The following EXD1 variants were observed in gnomAD, a reference collection of about 807,000 sequenced individuals.
EXD1 encodes the protein piRNA biogenesis protein EXD1.
In EXD1, 63 loss-of-function variants were observed where a neutral mutation model predicts 49.1. That is an observed-to-expected ratio of 1.28 (90% CI 1.05 to 1.58). The LOEUF (loss-of-function observed/expected upper bound fraction) is 1.58. EXD1 is among the 40% of genes most tolerant of loss of function. EXD1 has a pLI of 0.00. For missense variants in EXD1, 748 were observed against 666.0 expected, an observed-to-expected ratio of 1.12 and a Z score of -1.36; for synonymous variants, 234 against 239.2, an observed-to-expected ratio of 0.98 and a Z score of 0.20.
chr15:41,183,848 A>G lies in EXD1; in HGVS notation c.*83T>C. 3.7e-6 allele frequency: 5 copies of G among 1,367,200 alleles called. No homozygotes were observed. The highest frequency in any genetic ancestry group is 5.0e-6 in the Non-Finnish European group (5 of 1,004,798). 84.7% of individuals were successfully genotyped at this position (1,367,200 alleles called of 1,614,324 possible). ...ACTGAAGCATTACTACATTTACAACATGAGAAACCTGGGCACTGTGGAAAG... is the reference window on the plus strand; with the variant it reads ...ACTGAAGCATTACTACATTTACAACGTGAGAAACCTGGGCACTGTGGAAAG... On this transcript the variant is annotated 3_prime_UTR_variant, in exon 12 of 12. Transcript: ENST00000458580.
chr15:41,229,235 T>C (rs2047201712), intron 1 of EXD1, among the ~76,000 whole-genome samples: 1 of 152,178 alleles, frequency 6.6e-6, no homozygotes, highest in African/African-American at 2.4e-5. Context: ...CCCAACACTT[T>C]GGGAGGCCGA....
chr15:41,183,092 C>T lies in EXD1; in HGVS notation c.*839G>A, dbSNP rs762681831. On this transcript the variant is annotated 3_prime_UTR_variant, in exon 12 of 12. Coordinates refer to ENST00000458580, the MANE Select transcript of EXD1 (RefSeq NM_001286441.2). Reference sequence around the variant, plus strand: ...CACAAGGTCAGTCAGGAGTTCGAGACCAGCCTGGCCAACATGGTGAAACCC... The same window carrying T: ...CACAAGGTCAGTCAGGAGTTCGAGATCAGCCTGGCCAACATGGTGAAACCC... 1 of 152,232 alleles carries T rather than the reference C, an allele frequency of 6.6e-6. No homozygotes were observed. The highest frequency in any genetic ancestry group is 1.5e-5 in the Non-Finnish European group (1 of 68,084). 9.4% of individuals were successfully genotyped at this position (152,232 alleles called of 1,614,324 possible).
intron 11 of EXD1, among the ~76,000 whole-genome samples, chr15:41,189,336 C>T (rs2046467941): frequency 1.3e-5 from 2 of 150,994 alleles, no homozygotes. Context: ...CCACTGCACT[C>T]CAGCCTGAGT....
intron 6 of EXD1, among the ~76,000 whole-genome samples, chr15:41,210,835 A>C (rs560869517): frequency 3.0e-4 from 46 of 152,330 alleles, no homozygotes; most frequent in Admixed American, 2.9e-3. Context: ...TAGTTCAATT[A>C]TTCAATAACA....
In EXD1 at chr15:41,189,478, A is replaced by G. The variant is rs192742177; in HGVS notation, c.1056+459T>C. On this transcript the variant is annotated intron_variant, in intron 11 of 11. Coordinates refer to ENST00000458580, the MANE Select transcript of EXD1 (RefSeq NM_001286441.2). ...GGAGTTTGAGACCAGCCTGGCCAAC[A>G]TGGTGAAACCCCATTTCTACTAAAA... is the stretch of plus-strand genomic sequence containing the variant. Among the ~76,000 whole-genome samples the G allele has an allele frequency of 3.8e-3, 574 of 151,452 alleles. 2 individuals are homozygous for G. The highest frequency in any genetic ancestry group is 0.02 in the South Asian group (95 of 4,780).
In EXD1 at chr15:41,216,660, A is replaced by G. The variant is rs778057196; in HGVS notation, c.388+8T>C. The G allele has an allele frequency of 1.4e-5, 23 of 1,604,112 alleles. No homozygotes were observed. The highest frequency in any genetic ancestry group is 1.2e-4 in the South Asian group (11 of 89,040). On this transcript the variant is annotated splice_region_variant and intron_variant, in intron 5 of 11. Coordinates refer to ENST00000458580, the MANE Select transcript of EXD1 (RefSeq NM_001286441.2). ...AAAAAAAAGAAAATTCAGAGCCCCT[A>G]TATTCACCTGATGGGCTGTACTTGA...
intron 1 of EXD1, among the ~76,000 whole-genome samples, chr15:41,227,895 C>A (rs961164258): frequency 6.6e-6 from 1 of 151,892 alleles, no homozygotes; most frequent in African/African-American, 2.4e-5. Context: ...ACTAAAAACA[C>A]AAAAATTAGC....
At chr15:41,205,458 T>A (rs913708266) in intron 7 of EXD1, among the ~76,000 whole-genome samples, 2 of 152,118 alleles carry the variant, frequency 1.3e-5, no homozygotes, top group Non-Finnish European at 2.9e-5. Flanking sequence ...CTTAAAGATA[T>A]GGAACAGCTT....
chr15:41,184,564 C>T lies in EXD1; in HGVS notation c.1086G>A (p.Leu362=). The change falls in exon 12 of 12, where the codon CTG becomes CTA. Residue 362 remains leucine, a synonymous_variant. Coordinates refer to ENST00000458580, the MANE Select transcript of EXD1 (RefSeq NM_001286441.2). ...EPTCMELPEE[L]LQLKDFQKQR... is the part of the protein sequence containing the mutation. ...GCTTCTGGAAGTCCTTGAGTTGAAG[C>T]AGTTCCTCTGGCAGCTCCATACATG... The T allele has an allele frequency of 6.2e-7, 1 of 1,602,486 alleles. No individual in the cohort carries two copies. Among genetic ancestry groups the T allele is most frequent in the Non-Finnish European group, 8.5e-7 (1 of 1,176,642 alleles).
intron 7 of EXD1, among the ~76,000 whole-genome samples, chr15:41,198,581 C>T (rs996579666): frequency 4.0e-5 from 6 of 151,790 alleles, no homozygotes; most frequent in African/African-American, 9.7e-5. Context: ...CCCAGCTACT[C>T]GGGAGGCTGA....
intron 1 of EXD1, among the ~76,000 whole-genome samples, chr15:41,229,435 G>A (rs1047661447): frequency 2.0e-5 from 3 of 152,010 alleles, no homozygotes; most frequent in Non-Finnish European, 4.4e-5. Flanking sequence ...AAAATGCACA[G>A]TGATCAGGCC....
At chr15:41,185,146 A>T (rs1423777372) in intron 11 of EXD1, among the ~76,000 whole-genome samples, 1 of 152,236 alleles carries the variant, frequency 6.6e-6, no homozygotes, top group East Asian at 1.9e-4. Flanking sequence ...AAGACTATAC[A>T]GGAAAAGTTA....
chr15:41,189,825 T>C, intron 11 of EXD1, 112 bp downstream of exon 11: 1 of 1,032,514 alleles, frequency 9.7e-7, no homozygotes, highest in Non-Finnish European at 1.4e-6. Flanking sequence ...AGAGTATTTA[T>C]CCCCAAGTTG....
Position 41,195,285 on chromosome 15 carries a change from C to T in EXD1, c.720+490G>A, listed in dbSNP as rs60646348. Among the ~76,000 whole-genome samples the T allele has an allele frequency of 5.5e-4, 83 of 152,160 alleles. 1 individual carries two copies. The East Asian group carries it at 0.016, about 29-fold the overall frequency. Reference sequence around the variant, plus strand: ...AGGGCTTTCTCATTTATCTAAGGTCCCCTAGAGGACAGACAAATTATATCA... The same window carrying T: ...AGGGCTTTCTCATTTATCTAAGGTCTCCTAGAGGACAGACAAATTATATCA... On this transcript the variant is annotated intron_variant, in intron 9 of 11. Coordinates refer to ENST00000458580, the MANE Select transcript of EXD1 (RefSeq NM_001286441.2).
In EXD1 at chr15:41,184,351, C is replaced by T. The variant is rs771147025; in HGVS notation, c.1299G>A (p.Gly433=). 3.7e-6 allele frequency: 6 copies of T among 1,614,000 alleles called. No individual in the cohort carries two copies. Among genetic ancestry groups the T allele is most frequent in the Non-Finnish European group, 5.1e-6 (6 of 1,180,018 alleles). ...APSFTSQDFH[G]DVNLLKEESL... ...ATTCTTCTTTCAGTAAATTCACATC[C>T]CCGTGAAAGTCTTGAGATGTAAAAC... Residue 433 remains glycine (G), a synonymous_variant, in exon 12 of 12, where the codon GGG becomes GGA. Transcript: ENST00000458580.
chr15:41,206,285 C>A (rs1021325779), intron 7 of EXD1, among the ~76,000 whole-genome samples: 1 of 151,938 alleles, frequency 6.6e-6, no homozygotes, highest in African/African-American at 2.4e-5. Context: ...GCCTGGCCAA[C>A]ATGGTAAAAT....
At chr15:41,224,316 T>C (rs532118119) in intron 2 of EXD1, among the ~76,000 whole-genome samples, 1 of 152,254 alleles carries the variant, frequency 6.6e-6, no homozygotes, top group South Asian at 2.1e-4. Flanking sequence ...TCCTGAGATA[T>C]AAAACAATCA....
chr15:41,186,880 TTC>T (rs1481211391), intron 11 of EXD1, among the ~76,000 whole-genome samples: 1 of 150,086 alleles, frequency 6.7e-6, no homozygotes, highest in East Asian at 1.9e-4. Flanking sequence ...GTTCAAGCGA[TTC>T]TTTTTTTTTT....
chr15:41,213,927 T>C (rs1439337792), intron 6 of EXD1, among the ~76,000 whole-genome samples: 1 of 152,182 alleles, frequency 6.6e-6, no homozygotes, highest in East Asian at 1.9e-4. Flanking sequence ...TTAATAAAAA[T>C]CTTCTGTTCA....
Sources: gnomAD v4.1 joint callset for allele counts (sites outside exome capture counted in the v4.1 genomes callset) on GRCh38, gnomAD v4.1.1 for gene constraint, MANE v1.5 for transcripts, NCBI Gene and HGNC (gene_info 2026-07-23, HGNC 2026-07-21) for gene names.